The following TMEM131 variants were observed in gnomAD, a reference collection of about 807,000 sequenced individuals.
The protein encoded by TMEM131 is 2610524E03Rik.
Under a neutral mutation model 211.6 loss-of-function variants are expected in TMEM131, and 66 were observed. The ratio of observed to expected loss-of-function variants is 0.31; its 90% CI spans 0.26 to 0.38. TMEM131 has a LOEUF of 0.38. TMEM131 is among the 10% of genes least tolerant of loss of function. The probability of loss-of-function intolerance (pLI) is 1.00; values close to 1 mark genes in which losing one functional copy is unlikely to be tolerated. For missense variants in TMEM131, 2,036 were observed against 2,299.3 expected (o/e 0.89, Z 2.34); for synonymous variants, 844 against 841.3 (o/e 1.00, Z -0.06).
In TMEM131 at chr2:97,805,083, C is replaced by T; in HGVS notation, c.2402+5G>A. The T allele has an allele frequency of 6.3e-7, 1 of 1,585,862 alleles. No homozygotes were observed. The highest frequency in any genetic ancestry group is 8.6e-7 in the Non-Finnish European group (1 of 1,164,236). ...GGCTAAAATAAATAAACATAAACCA[C>T]TCACCTATGACCTGAATTTTCCTTT... On this transcript the variant is annotated splice_donor_5th_base_variant and intron_variant, in intron 22 of 40. Coordinates refer to ENST00000186436, the MANE Select transcript of TMEM131 (RefSeq NM_015348.2).
chr2:97,967,897 T>C (rs1233046081), intron 1 of TMEM131, among the ~76,000 whole-genome samples: 3 of 151,938 alleles, frequency 2.0e-5, no homozygotes, highest in Non-Finnish European at 1.5e-5. Flanking sequence ...TAGGTTGTTT[T>C]TTTTTTTGGA....
In TMEM131 at chr2:97,843,881, TAA is replaced by T. The variant is rs149175514; in HGVS notation, c.600+262_600+263del. Among the ~76,000 whole-genome samples, 523 of 152,348 alleles carry T rather than the reference TAA, an allele frequency of 3.4e-3. 7 individuals are homozygous for T. In the East Asian group the frequency reaches 0.042, roughly 12 times the overall value. ...AAAGTAAAAATTAAACAAAATTTTA[TAA>T]GTCAGCATGAAAATATTTTTTCACT... On this transcript the variant is annotated intron_variant, in intron 6 of 40. Transcript: ENST00000186436.
At chr2:97,914,944 A>G (rs998953537) in intron 2 of TMEM131, among the ~76,000 whole-genome samples, 2 of 152,258 alleles carry the variant, frequency 1.3e-5, no homozygotes, top group Admixed American at 1.3e-4. Context: ...GATTTATACG[A>G]AACTGCCAAA....
intron 1 of TMEM131, among the ~76,000 whole-genome samples, chr2:97,943,090 A>C (rs1458548061): frequency 1.2e-4 from 17 of 146,782 alleles, no homozygotes; most frequent in African/African-American, 3.8e-4. Context: ...AGAAAGAAAG[A>C]AAGAAAGAAA....
chr2:97,801,862 T>C (rs755262088), intron 25 of TMEM131, 33 bp downstream of exon 25: 1 of 1,442,846 alleles, frequency 6.9e-7, no homozygotes, highest in African/African-American at 1.4e-5. Flanking sequence ...ATAAAATAAT[T>C]TCTTTGGAAT....
Position 97,762,087 on chromosome 2 carries a change from G to A in TMEM131, c.4837C>T (p.Pro1613Ser). Reference protein sequence around the residue: ...ASPSPPAAPCPFVARGSYSSI... With the variant: ...ASPSPPAAPCSFVARGSYSSI... The stretch of plus-strand genomic sequence containing the variant: ...CTGTAGCTGCCCCGGGCCACAAAGG[G>A]GCAGGGGGCAGCTGGGGGAGACGGG... Residue 1613 changes from proline (P) to serine (S), a missense_variant, in exon 36 of 41, where the codon CCC (proline) becomes TCC (serine). Pro to Ser is a moderately conservative substitution (Grantham distance 74, BLOSUM62 -1). Around this residue, in one of 3 missense-constraint regions of TMEM131, gnomAD observed 1,623 missense variants for 1,805.9 expected, o/e 0.90. Coordinates refer to ENST00000186436, the MANE Select transcript of TMEM131 (RefSeq NM_015348.2). 1.2e-6 allele frequency: 2 copies of A among 1,610,448 alleles called. No homozygotes were observed. The highest frequency in any genetic ancestry group is 1.7e-6 in the Non-Finnish European group (2 of 1,178,334).
chr2:97,758,763 G>A, intron 40 of TMEM131, 130 bp downstream of exon 40: 1 of 1,233,042 alleles, frequency 8.1e-7, no homozygotes, highest in South Asian at 1.5e-5. Context: ...GACAATAAAA[G>A]TACTAACCCA....
At chr2:97,833,946 A>G (rs963385841) in intron 10 of TMEM131, among the ~76,000 whole-genome samples, 2 of 152,196 alleles carry the variant, frequency 1.3e-5, no homozygotes, top group Admixed American at 1.3e-4. Context: ...TATAGGCATG[A>G]GCCATCATGC....
chr2:97,775,749 T>C (rs931324136), intron 32 of TMEM131, 94 bp downstream of exon 32: 2 of 1,364,454 alleles, frequency 1.5e-6, no homozygotes, highest in East Asian at 2.4e-5. Flanking sequence ...ATTACTTTTG[T>C]ACTAAAACCA....
At chr2:97,930,370 T>C (rs1323980640) in intron 1 of TMEM131, among the ~76,000 whole-genome samples, 1 of 151,816 alleles carries the variant, frequency 6.6e-6, no homozygotes, top group African/African-American at 2.4e-5. Flanking sequence ...GTAGTTTGGG[T>C]ATACTGCTTT....
intron 5 of TMEM131, among the ~76,000 whole-genome samples, chr2:97,846,976 T>G (rs1315471437): frequency 6.7e-6 from 1 of 149,054 alleles, no homozygotes; most frequent in Non-Finnish European, 1.5e-5. Context: ...GTCAACAGAT[T>G]GAGACCATCC....
chr2:97,802,581 T>A lies in TMEM131; in HGVS notation c.2542-44A>T, dbSNP rs1681085411. ...ACATTAAATGAAAGATTTCTATAGT[T>A]AAAGCTAAGAGTAAATACTTTATAA... On this transcript the variant is annotated intron_variant, in intron 23 of 40. Transcript: ENST00000186436. 3.1e-6 allele frequency: 5 copies of A among 1,602,086 alleles called. No homozygotes were observed. In the African/African-American group the frequency reaches 6.7e-5, roughly 22 times the overall value.
intron 2 of TMEM131, among the ~76,000 whole-genome samples, chr2:97,925,401 C>A (rs1676940898): frequency 1.3e-5 from 2 of 152,154 alleles, no homozygotes; most frequent in South Asian, 2.1e-4. Context: ...TGTTGAGATG[C>A]AGATTCCTCA....
rs1011783659 is a variant in TMEM131 at position 97,768,403 on chromosome 2, C to T, written c.4449-1801G>A. ...TGGGTGTGATCTATTTTTAAGTGTG[C>T]GTGGGTAGCTATTTATACAAAACTA... On this transcript the variant is annotated intron_variant, in intron 33 of 40. Coordinates refer to ENST00000186436, the MANE Select transcript of TMEM131 (RefSeq NM_015348.2). 5.3e-5 allele frequency among the ~76,000 whole-genome samples: 8 copies of T among 152,126 alleles called. No homozygotes were observed. The South Asian group carries it at 8.3e-4, about 16-fold the overall frequency.
At chr2:97,868,492 T>C (rs1004454747) in intron 4 of TMEM131, among the ~76,000 whole-genome samples, 6 of 152,188 alleles carry the variant, frequency 3.9e-5, no homozygotes, top group Non-Finnish European at 8.8e-5. Context: ...TCTATCATCA[T>C]GCTAGTTACT....
intron 25 of TMEM131, among the ~76,000 whole-genome samples, chr2:97,800,376 T>A (rs1293248216): frequency 6.6e-6 from 1 of 152,206 alleles, no homozygotes; most frequent in Non-Finnish European, 1.5e-5. Flanking sequence ...CTACATCTTG[T>A]AAATATGGCT....
chr2:97,772,261 A>G (rs1380536905), intron 33 of TMEM131, 36 bp downstream of exon 33: 1 of 1,579,656 alleles, frequency 6.3e-7, no homozygotes, highest in Admixed American at 2.1e-5. Flanking sequence ...CAACTTCTTT[A>G]TAGACCTTAT....
At chr2:97,774,117 C>A (rs1283233206) in intron 32 of TMEM131, among the ~76,000 whole-genome samples, 1 of 152,182 alleles carries the variant, frequency 6.6e-6, no homozygotes, top group East Asian at 1.9e-4. Flanking sequence ...AGTAAATAAC[C>A]AGAGCTAGGG....
chr2:97,831,389 T>C (rs1682677922), intron 11 of TMEM131, among the ~76,000 whole-genome samples: 1 of 152,322 alleles, frequency 6.6e-6, no homozygotes, highest in Non-Finnish European at 1.5e-5. Context: ...TCAGTCAGCA[T>C]AGCAGCTAGC....
Sources: gnomAD v4.1 joint callset for allele counts (sites outside exome capture counted in the v4.1 genomes callset) on GRCh38, gnomAD v4.1.1 for gene constraint, gnomAD v4.1.1 regional missense constraint, MANE v1.5 for transcripts, NCBI Gene and HGNC (gene_info 2026-07-23, HGNC 2026-07-21) for gene names.